Variants in ARMC8 observed in about 807,000 individuals in gnomAD.
The protein encoded by ARMC8 is armadillo repeat-containing protein 8.
Under a neutral mutation model 99.3 loss-of-function variants are expected in ARMC8, and 20 were observed. That is an observed-to-expected ratio of 0.20 (90% confidence interval 0.14 to 0.29). The LOEUF is 0.29. Among genes scored for constraint, ARMC8 ranks in the 10% least tolerant of loss-of-function variants. The pLI is 1.00. For synonymous variants in ARMC8, 263 were observed against 278.3 expected, an observed-to-expected ratio of 0.95 and a Z score of 0.55; for missense variants, 569 against 809.5, an observed-to-expected ratio of 0.70 and a Z score of 3.60.
At position 138,270,210 on chromosome 3, in the gene ARMC8, T is replaced by C. The variant is rs1187004641; in HGVS notation, c.1479+78T>C. The C allele has an allele frequency of 4.4e-6, 5 of 1,133,378 alleles. No homozygotes were observed. In the East Asian group the frequency reaches 1.2e-4, roughly 28 times the overall value. The allele number at this position is 1,133,378 out of a possible 1,614,324, so 70.2% of individuals were successfully genotyped here. A position where few individuals can be genotyped will look rare whatever the true frequency, so the allele number is the denominator to read the frequency against. Reference sequence around the variant, plus strand: ...TCTAAGTTAGAACTATAATGTGTTATTTGAAATGTCTGGAATTTTCTTTTT... The same window carrying C: ...TCTAAGTTAGAACTATAATGTGTTACTTGAAATGTCTGGAATTTTCTTTTT... On this transcript the variant is annotated intron_variant, in intron 16 of 21. Coordinates refer to ENST00000469044, the MANE Select transcript of ARMC8 (RefSeq NM_001363941.2).
chr3:138,208,539 T>C (rs1342401558), intron 1 of ARMC8, among the ~76,000 whole-genome samples: 1 of 152,238 alleles, frequency 6.6e-6, no homozygotes, highest in African/African-American at 2.4e-5. Context: ...TGTGTAGTTC[T>C]CCAGAGTTAT....
At chr3:138,188,368 A>G (rs1220039593) in intron 1 of ARMC8, 9 of 1,430,208 alleles carry the variant, frequency 6.3e-6, no homozygotes, top group Non-Finnish European at 8.3e-6. Context: ...CATGCCAGGA[A>G]GTAAAACCTG....
At chr3:138,192,529 G>A (rs149364778) in intron 1 of ARMC8, among the ~76,000 whole-genome samples, 107 of 151,892 alleles carry the variant, frequency 7.0e-4, no homozygotes, top group African/African-American at 2.4e-3. Context: ...CACCCTTCTC[G>A]GCCTCCCAGA....
At chr3:138,264,424 T>C (rs931542203) in intron 14 of ARMC8, among the ~76,000 whole-genome samples, 1 of 138,306 alleles carries the variant, frequency 7.2e-6, no homozygotes, top group Non-Finnish European at 1.6e-5. Context: ...TTTTTTTTTT[T>C]TTTTTTTTTT....
chr3:138,225,136 G>T (rs1189995371), intron 5 of ARMC8, among the ~76,000 whole-genome samples: 3 of 146,120 alleles, frequency 2.1e-5, no homozygotes, highest in Non-Finnish European at 3.0e-5. Flanking sequence ...TTTGGAGACG[G>T]TGTCTCTCTC....
rs750096434 is a variant in ARMC8 at position 138,273,015 on chromosome 3, A to G, written c.1528A>G (p.Ser510Gly). The change falls in exon 17 of 22, where the codon AGC (serine) becomes GGC (glycine). Residue 510 changes from serine (S) to glycine (G), a missense_variant. Transcript: ENST00000469044. ...AAAAATAAAAGCAGATATTTTACGA[A>G]GCTTGAGTACTGAACAGCTATTCCG... ...EQKIKADILR[S>G]LSTEQLFRLL... 5 of 1,608,172 alleles carry G rather than the reference A, an allele frequency of 3.1e-6. No homozygotes were observed. The highest frequency in any genetic ancestry group is 1.7e-4 in the Middle Eastern group (1 of 6,048).
At chr3:138,205,712 A>C (rs2044337364) in intron 1 of ARMC8, among the ~76,000 whole-genome samples, 1 of 152,106 alleles carries the variant, frequency 6.6e-6, no homozygotes, top group Admixed American at 6.5e-5. Context: ...CTGAGGTGGG[A>C]GGATCGCTTG....
chr3:138,263,840 C>T lies in ARMC8; in HGVS notation c.1217+19C>T. The T allele has an allele frequency of 1.2e-6, 2 of 1,607,738 alleles. No individual in the cohort carries two copies. The highest frequency in any genetic ancestry group is 4.5e-5 in the East Asian group (2 of 44,850). Reference sequence around the variant, plus strand: ...CCGTCAGGTATGAGCTTTAAATGGTCTGAATAAAAACCTTTTGCCATATAT... The same window carrying T: ...CCGTCAGGTATGAGCTTTAAATGGTTTGAATAAAAACCTTTTGCCATATAT... On this transcript the variant is annotated intron_variant, in intron 13 of 21. Coordinates refer to ENST00000469044, the MANE Select transcript of ARMC8 (RefSeq NM_001363941.2).
intron 15 of ARMC8, among the ~76,000 whole-genome samples, chr3:138,268,588 G>A (rs769696951): frequency 7.9e-5 from 12 of 152,044 alleles, no homozygotes; most frequent in Non-Finnish European, 1.5e-4. Context: ...CCCAACCGGG[G>A]CAACATAGCA....
intron 18 of ARMC8, among the ~76,000 whole-genome samples, chr3:138,282,584 T>C (rs1046321528): frequency 7.0e-6 from 1 of 143,882 alleles, no homozygotes; most frequent in Admixed American, 7.4e-5. Context: ...AGGCAGAGGT[T>C]GCGGTGAGCC....
At chr3:138,191,555 T>G (rs77820035) in intron 1 of ARMC8, among the ~76,000 whole-genome samples, 9,734 of 152,144 alleles carry the variant, frequency 0.064, 1,014 homozygotes, top group African/African-American at 0.22. Flanking sequence ...TATCACATGT[T>G]TATTTGTGTT....
chr3:138,194,504 A>T (rs1319305094), intron 1 of ARMC8, among the ~76,000 whole-genome samples: 2 of 148,582 alleles, frequency 1.3e-5, no homozygotes, highest in African/African-American at 5.0e-5. Flanking sequence ...CACCCAGCTA[A>T]TTTTTTTGTA....
In ARMC8 at chr3:138,296,073, T is replaced by A; in HGVS notation, c.*181T>A. ...TCTTGAGAACATTTTTTTGAGGTAG[T>A]AATTTCCTCAGAAGACTCTTGTGTT... is the stretch of plus-strand genomic sequence containing the variant. On this transcript the variant is annotated 3_prime_UTR_variant, in exon 22 of 22. Transcript: ENST00000469044. 1 of 536,464 alleles carries A rather than the reference T, an allele frequency of 1.9e-6. No individual in the cohort carries two copies. The highest frequency in any genetic ancestry group is 3.2e-6 in the Non-Finnish European group (1 of 313,988). The allele number at this position is 536,464 out of a possible 1,614,324, so 33.2% of individuals were successfully genotyped here.
chr3:138,252,099 TG>T (rs1244547711), intron 12 of ARMC8, among the ~76,000 whole-genome samples: 4 of 152,228 alleles, frequency 2.6e-5, no homozygotes, highest in Non-Finnish European at 4.4e-5. Context: ...ATGAATAAAG[TG>T]CTAGCATAGA....
intron 1 of ARMC8, chr3:138,187,921 T>G: frequency 5.0e-6 from 2 of 403,032 alleles, no homozygotes; most frequent in Non-Finnish European, 9.0e-6. Flanking sequence ...CACTGAGCCT[T>G]CCTTTTAGCG....
In ARMC8 at chr3:138,187,573, A is replaced by T; in HGVS notation, c.19A>T (p.Thr7Ser). MACLLE[T>S]PIRMSVLSEV... ...GCTCAAGATGGCGTGCTTGTTGGAG[A>T]CCCCAATCCGCATGAGCGTCCTTTC... The change falls in exon 1 of 22, where the codon ACC becomes TCC. Residue 7 changes from threonine (T) to serine (S), a missense_variant. Physicochemically the swap from Thr to Ser is moderately conservative, Grantham distance 58 (BLOSUM62 1). Around this residue, in one of 2 missense-constraint regions of ARMC8, gnomAD observed 342 missense variants for 391.6 expected, o/e 0.87. Transcript: ENST00000469044. 6.5e-7 allele frequency: 1 copy of T among 1,535,226 alleles called. No homozygotes were observed. Among genetic ancestry groups the T allele is most frequent in the Non-Finnish European group, 8.7e-7 (1 of 1,146,508 alleles).
intron 1 of ARMC8, among the ~76,000 whole-genome samples, chr3:138,205,987 G>A (rs565634502): frequency 6.6e-6 from 1 of 152,262 alleles, no homozygotes; most frequent in South Asian, 2.1e-4. Context: ...AAAGTAAAAA[G>A]GAAACAAGTG....
chr3:138,213,791 AGTTTT>A (rs1559933482), intron 2 of ARMC8, among the ~76,000 whole-genome samples: 2 of 152,224 alleles, frequency 1.3e-5, no homozygotes, highest in Non-Finnish European at 2.9e-5. Context: ...CTACTTAAAC[AGTTTT>A]GTTTTGTTTT....
At chr3:138,295,258 A>G (rs1409529541) in intron 21 of ARMC8, among the ~76,000 whole-genome samples, 1 of 152,064 alleles carries the variant, frequency 6.6e-6, no homozygotes, top group Non-Finnish European at 1.5e-5. Context: ...GTAACAACAC[A>G]CATCTCACAT....
Sources: allele counts gnomAD v4.1 joint callset (sites outside exome capture counted in the v4.1 genomes callset), GRCh38; gene constraint gnomAD v4.1.1; regional missense constraint gnomAD v4.1.1; transcripts MANE v1.5; gene names NCBI Gene and HGNC (gene_info 2026-07-23, HGNC 2026-07-21).